Variants in ANKRD28 observed in about 807,000 individuals in gnomAD.
ANKRD28 encodes the protein ankyrin repeat domain 28, also known as serine/threonine-protein phosphatase 6 regulatory ankyrin repeat subunit A.
In ANKRD28, 44 loss-of-function variants were observed where a neutral mutation model predicts 126.5. The observed-to-expected ratio is 0.35, with a 90% CI of 0.27 to 0.45. The LOEUF (loss-of-function observed/expected upper bound fraction) is 0.45, where lower values mean the gene tolerates loss of function less well. Ranked by LOEUF, ANKRD28 falls within the 20% of genes least tolerant of loss-of-function variation. The probability of loss-of-function intolerance (pLI) is 1.00; values close to 1 mark genes in which losing one functional copy is unlikely to be tolerated. For missense variants in ANKRD28, 1,110 were observed against 1,316.6 expected (o/e 0.84, Z 2.43); for synonymous variants, 442 against 468.5 (o/e 0.94, Z 0.73).
At chr3:15,850,259 A>AGAGAGG (rs1370551633) in intron 1 of ANKRD28, among the ~76,000 whole-genome samples, 35 of 115,740 alleles carry the variant, frequency 3.0e-4, no homozygotes, top group Non-Finnish European at 4.3e-4. Flanking sequence ...AGAGAGAGAG[A>AGAGAGG]GAGAAAGTTG....
intron 6 of ANKRD28, among the ~76,000 whole-genome samples, chr3:15,731,068 A>G (rs1230008462): frequency 6.6e-6 from 1 of 152,256 alleles, no homozygotes; most frequent in East Asian, 1.9e-4. Flanking sequence ...TCTGTTCTTT[A>G]TAAATTACCC....
intron 21 of ANKRD28, chr3:15,685,023 C>T: frequency 1.7e-6 from 1 of 585,292 alleles, no homozygotes; most frequent in East Asian, 2.9e-5. Flanking sequence ...CTCAGAACAC[C>T]TTTGACAACT....
chr3:15,768,693 A>G (rs995067765), intron 2 of ANKRD28, among the ~76,000 whole-genome samples: 1 of 152,096 alleles, frequency 6.6e-6, no homozygotes, highest in Non-Finnish European at 1.5e-5. Flanking sequence ...TGTGTGTAAC[A>G]TATAATTATC....
upstream of ANKRD28, chr3:15,798,025 A>T: frequency 1.0e-6 from 1 of 985,426 alleles, no homozygotes; most frequent in Non-Finnish European, 1.2e-6. Context: ...AGAAAAAAAT[A>T]GTGCATTTGG....
At chr3:15,708,119 A>C in intron 13 of ANKRD28, 55 bp from the exon 14 acceptor site, 1 of 1,539,816 alleles carries the variant, frequency 6.5e-7, no homozygotes, top group Non-Finnish European at 8.8e-7. Flanking sequence ...TAACTAGTAA[A>C]CAAAAGCATA....
chr3:15,735,567 C>G, intron 5 of ANKRD28, 70 bp from the exon 6 acceptor site: 1 of 1,204,478 alleles, frequency 8.3e-7, no homozygotes, highest in Non-Finnish European at 1.2e-6. Flanking sequence ...ACATTTCTGA[C>G]AGTTACTTAT....
At chr3:15,792,164 T>C (rs1305163325) in intron 2 of ANKRD28, among the ~76,000 whole-genome samples, 1 of 151,848 alleles carries the variant, frequency 6.6e-6, no homozygotes, top group Non-Finnish European at 1.5e-5. Flanking sequence ...AGTTTGGAGG[T>C]CCCCCAAAAA....
chr3:15,825,489 C>T (rs1303160906), intron 1 of ANKRD28, among the ~76,000 whole-genome samples: 1 of 151,734 alleles, frequency 6.6e-6, no homozygotes, highest in Non-Finnish European at 1.5e-5. Flanking sequence ...AACTGCACAT[C>T]GTATACAAGA....
chr3:15,769,571 A>C (rs2058902094), intron 2 of ANKRD28, among the ~76,000 whole-genome samples: 16 of 152,206 alleles, frequency 1.1e-4, no homozygotes, highest in Admixed American at 1.0e-3. Flanking sequence ...ATAAAACACA[A>C]AAAATTCTTA....
chr3:15,696,712 G>C (rs750157367), intron 14 of ANKRD28, among the ~76,000 whole-genome samples: 6 of 151,964 alleles, frequency 3.9e-5, no homozygotes, highest in Non-Finnish European at 8.8e-5. Flanking sequence ...ACCAAGGTCA[G>C]AACTCAATGA....
intron 4 of ANKRD28, among the ~76,000 whole-genome samples, chr3:15,745,624 G>C (rs550120341): frequency 1.3e-5 from 2 of 152,148 alleles, no homozygotes; most frequent in South Asian, 4.1e-4. Context: ...TTATAGCATA[G>C]TTTGAAGTCA....
chr3:15,859,420 C>T, exon 1 of ANKRD28: 3 of 1,523,580 alleles, frequency 2.0e-6, no homozygotes, highest in African/African-American at 1.4e-5. Flanking sequence ...CGCCTCCGCG[C>T]CCACTCCAGC....
In ANKRD28 at chr3:15,685,350, C is replaced by G; in HGVS notation, c.2265G>C (p.Leu755=). The G allele has an allele frequency of 1.2e-6, 2 of 1,614,022 alleles. No individual in the cohort carries two copies. Among genetic ancestry groups the G allele is most frequent in the Non-Finnish European group, 1.7e-6 (2 of 1,179,868 alleles). ...CACCAATGTGTCCACAGGCAGCAGACAGGTGTATAGGCGTCCGGCCCCTGC... is the reference window on the plus strand; with the variant it reads ...CACCAATGTGTCCACAGGCAGCAGAGAGGTGTATAGGCGTCCGGCCCCTGC... ...RDSRGRTPIH[L]SAACGHIGVL... The change falls in exon 21 of 28, where the codon CTG becomes CTC. Residue 755 remains leucine (L), a synonymous_variant. Transcript: ENST00000683139.
In ANKRD28 at chr3:15,669,046, T is replaced by G. The variant is rs2066133922; in HGVS notation, c.*1224A>C. The G allele has an allele frequency of 6.6e-6, 1 of 152,426 alleles. No individual in the cohort carries two copies. The highest frequency in any genetic ancestry group is 1.5e-5 in the Non-Finnish European group (1 of 68,022). 9.4% of individuals were successfully genotyped at this position (152,426 alleles called of 1,614,324 possible). On this transcript the variant is annotated 3_prime_UTR_variant, in exon 28 of 28. Transcript: ENST00000683139. Reference sequence around the variant, plus strand: ...TCTTTTGCTATTTGAAAGGTAGTCTTCAATTTGGCAGGCAACTGCTTCTCT... The same window carrying G: ...TCTTTTGCTATTTGAAAGGTAGTCTGCAATTTGGCAGGCAACTGCTTCTCT...
At chr3:15,726,176 C>T (rs2074148680) in intron 6 of ANKRD28, among the ~76,000 whole-genome samples, 1 of 152,156 alleles carries the variant, frequency 6.6e-6, no homozygotes. Flanking sequence ...CCTACAGCAG[C>T]CCCTAAGTGT....
At chr3:15,698,500 CA>C (rs1230773970) in intron 14 of ANKRD28, among the ~76,000 whole-genome samples, 1 of 152,168 alleles carries the variant, frequency 6.6e-6, no homozygotes. Flanking sequence ...CCCATCGTCT[CA>C]GCTCAAAATC....
At chr3:15,679,152 A>C in intron 23 of ANKRD28, 149 bp downstream of exon 23, 5 of 649,736 alleles carry the variant, frequency 7.7e-6, no homozygotes, top group Non-Finnish European at 1.1e-5. Flanking sequence ...TTTTTTTGGT[A>C]GAGATGCAGG....
intron 2 of ANKRD28, among the ~76,000 whole-genome samples, chr3:15,789,609 C>T (rs1036783701): frequency 1.3e-5 from 2 of 151,794 alleles, no homozygotes; most frequent in Non-Finnish European, 2.9e-5. Context: ...TTAAACAACC[C>T]CAAATTACCA....
chr3:15,702,516 G>A (rs1380133548), intron 14 of ANKRD28, among the ~76,000 whole-genome samples: 1 of 152,134 alleles, frequency 6.6e-6, no homozygotes, highest in African/African-American at 2.4e-5. Context: ...ACAATATTCT[G>A]TTACAATTTT....
Sources: allele counts gnomAD v4.1 joint callset (sites outside exome capture counted in the v4.1 genomes callset), GRCh38; gene constraint gnomAD v4.1.1; transcripts MANE v1.5; gene names NCBI Gene and HGNC (gene_info 2026-07-23, HGNC 2026-07-21).